TRIT1: variants seen among roughly 807,000 people sequenced by gnomAD.
TRIT1 encodes the protein tRNA isopentenyltransferase 1, also known as tRNA dimethylallyltransferase.
TRIT1 carries 43 observed loss-of-function variants against 51.2 expected under a neutral mutation model. That is an observed-to-expected ratio of 0.84 (90% confidence interval 0.66 to 1.08). The LOEUF is 1.08. TRIT1 is among the 50% of genes least tolerant of loss of function. TRIT1 has a pLI of 0.00. For synonymous variants in TRIT1, 184 were observed against 203.9 expected, an observed-to-expected ratio of 0.90 and a Z score of 0.83; for missense variants, 528 against 578.4, an observed-to-expected ratio of 0.91 and a Z score of 0.89.
intron 4 of TRIT1, among the ~76,000 whole-genome samples, chr1:39,851,824 C>T (rs1180436179): frequency 6.6e-6 from 1 of 151,278 alleles, no homozygotes; most frequent in Non-Finnish European, 1.5e-5. Flanking sequence ...AGTGCACACC[C>T]GTAGTCCCAG....
chr1:39,871,219 A>C (rs1643873765), intron 1 of TRIT1, among the ~76,000 whole-genome samples: 1 of 151,872 alleles, frequency 6.6e-6, no homozygotes, highest in East Asian at 1.9e-4. Context: ...GACTAGACAA[A>C]CTATGGTACA....
At chr1:39,848,639 C>T (rs1435198450) in intron 5 of TRIT1, among the ~76,000 whole-genome samples, 4 of 151,240 alleles carry the variant, frequency 2.6e-5, no homozygotes, top group Non-Finnish European at 5.9e-5. Context: ...GCCTGACCAA[C>T]ACAGTGAAAT....
chr1:39,866,426 T>C (rs2124649943), intron 1 of TRIT1, among the ~76,000 whole-genome samples: 1 of 152,324 alleles, frequency 6.6e-6, no homozygotes, highest in South Asian at 2.1e-4. Context: ...TTCTTAAAGA[T>C]GTTGACACTC....
intron 2 of TRIT1, among the ~76,000 whole-genome samples, chr1:39,856,996 C>T (rs1170927319): frequency 6.6e-6 from 1 of 152,168 alleles, no homozygotes; most frequent in East Asian, 1.9e-4. Flanking sequence ...TGGGGACTCC[C>T]GTTATAATGC....
Position 39,839,035 on chromosome 1 carries a change from C to G in TRIT1, c.*2709G>C, listed in dbSNP as rs1652476375. Among the ~76,000 whole-genome samples the G allele has an allele frequency of 6.6e-6, 1 of 152,238 alleles. No individual in the cohort carries two copies. Among genetic ancestry groups the G allele is most frequent in the Non-Finnish European group, 1.5e-5 (1 of 68,044 alleles). On this transcript the variant is annotated 3_prime_UTR_variant, in exon 11 of 11. Transcript: ENST00000316891. ...AGTACTTTCTACCCACTTACAACAG[C>G]ACTGCCTGAACTGTGAGAAGTATCT...
Position 39,869,614 on chromosome 1 carries a change from T to C in TRIT1, c.175-12197A>G, listed in dbSNP as rs1643762476. The stretch of plus-strand genomic sequence containing the variant: ...CTGCCCGGCCGCCCAGTCTGGGAAG[T>C]GAGGAGCGCCTCTTCCCGGCCGCCA... On this transcript the variant is annotated intron_variant, in intron 1 of 10. Transcript: ENST00000316891. Among the ~76,000 whole-genome samples the C allele has an allele frequency of 2.0e-5, 3 of 147,704 alleles. 1 individual carries two copies. In the South Asian group the frequency reaches 6.5e-4, roughly 32 times the overall value.
At chr1:39,858,742 A>G (rs1210103685) in intron 1 of TRIT1, among the ~76,000 whole-genome samples, 2 of 152,210 alleles carry the variant, frequency 1.3e-5, no homozygotes, top group Admixed American at 6.5e-5. Context: ...ATAAATAAAA[A>G]ATAATGTAAA....
chr1:39,857,521 C>G, intron 1 of TRIT1, 104 bp from the exon 2 acceptor site: 1 of 1,327,112 alleles, frequency 7.5e-7, no homozygotes, highest in South Asian at 1.4e-5. Flanking sequence ...CCAAACACTT[C>G]ACTGACCCAA....
chr1:39,877,526 A>G (rs1448997397), intron 1 of TRIT1, among the ~76,000 whole-genome samples: 3 of 152,138 alleles, frequency 2.0e-5, no homozygotes, highest in Non-Finnish European at 4.4e-5. Context: ...CTGAGGCATT[A>G]GAGACACTTC....
At chr1:39,851,750 C>A in intron 4 of TRIT1, among the ~76,000 whole-genome samples, 1 of 151,644 alleles carries the variant, frequency 6.6e-6, no homozygotes, top group Non-Finnish European at 1.5e-5. Context: ...TGGAACCAGC[C>A]TGGGCAACAC....
chr1:39,844,342 AC>A, intron 9 of TRIT1, 124 bp from the exon 10 acceptor site: 4 of 915,086 alleles, frequency 4.4e-6, no homozygotes, highest in Non-Finnish European at 1.7e-6. Flanking sequence ...TGGGCTGTAT[AC>A]AGATTTTAGC....
intron 2 of TRIT1, among the ~76,000 whole-genome samples, chr1:39,856,103 G>A (rs867667420): frequency 2.6e-5 from 4 of 152,034 alleles, no homozygotes; most frequent in South Asian, 2.1e-4. Flanking sequence ...TCAGGAGTTC[G>A]AGACCAGCCT....
chr1:39,844,286 A>C, intron 9 of TRIT1, 68 bp from the exon 10 acceptor site: 1 of 1,347,586 alleles, frequency 7.4e-7, no homozygotes, highest in Non-Finnish European at 1.0e-6. Context: ...CTATTAAGGG[A>C]AATGGGATTT....
chr1:39,858,986 T>C (rs1643060645), intron 1 of TRIT1, among the ~76,000 whole-genome samples: 2 of 151,958 alleles, frequency 1.3e-5, no homozygotes, highest in Non-Finnish European at 2.9e-5. Context: ...GACGCAGTGG[T>C]TCATGCCGGT....
intron 1 of TRIT1, chr1:39,876,025 G>A (rs1644041603): frequency 6.6e-6 from 1 of 152,060 alleles, no homozygotes; most frequent in Non-Finnish European, 1.5e-5. Context: ...AACTCTGACT[G>A]CCACAATGAG....
In TRIT1 at chr1:39,850,228, A is replaced by T; in HGVS notation, c.594T>A (p.Ser198=). 3 of 1,614,208 alleles carry T rather than the reference A, an allele frequency of 1.9e-6. No homozygotes were observed. Among genetic ancestry groups the T allele is most frequent in the Non-Finnish European group, 2.5e-6 (3 of 1,180,038 alleles). Residue 198 remains serine (S), a synonymous_variant, in exon 5 of 11, where the codon TCT becomes TCA. Coordinates refer to ENST00000316891, the MANE Select transcript of TRIT1 (RefSeq NM_017646.6). ...GTTGACGATGGAGAAATTCACTATGAGAGATTCCTGTTTCTTCAAAAACTT... is the reference window on the plus strand; with the variant it reads ...GTTGACGATGGAGAAATTCACTATGTGAGATTCCTGTTTCTTCAAAAACTT... ...SLQVFEETGI[S]HSEFLHRQHT... is the part of the protein sequence containing the mutation.
At chr1:39,852,432 T>C in intron 4 of TRIT1, 1 of 279,414 alleles carries the variant, frequency 3.6e-6, no homozygotes, top group Non-Finnish European at 6.6e-6. Context: ...AGAAAAAATG[T>C]ATATGAAAAC....
chr1:39,883,498 G>A lies in TRIT1; in HGVS notation c.-7C>T. The A allele has an allele frequency of 6.3e-7, 1 of 1,588,974 alleles. No individual in the cohort carries two copies. Among genetic ancestry groups the A allele is most frequent in the Non-Finnish European group, 8.6e-7 (1 of 1,161,072 alleles). On this transcript the variant is annotated 5_prime_UTR_variant, in exon 1 of 11. Coordinates refer to ENST00000316891, the MANE Select transcript of TRIT1 (RefSeq NM_017646.6). ...CAGCCGCCACGGACGCCATCTTATG[G>A]CAGTCTGCGCTTGCGCCGGAGCAGC...
At chr1:39,860,301 G>A (rs1643159821) in intron 1 of TRIT1, among the ~76,000 whole-genome samples, 1 of 152,188 alleles carries the variant, frequency 6.6e-6, no homozygotes. Context: ...AAAGAAATGG[G>A]TCATAAAGAT....
Sources: gnomAD v4.1 joint callset for allele counts (sites outside exome capture counted in the v4.1 genomes callset) on GRCh38, gnomAD v4.1.1 for gene constraint, MANE v1.5 for transcripts, NCBI Gene and HGNC (gene_info 2026-07-23, HGNC 2026-07-21) for gene names.